Variants in CA2 observed in about 807,000 individuals in gnomAD.
CA2 encodes carbonic anhydrase 2.
CA2 carries 23 observed loss-of-function variants against 27.8 expected under a neutral mutation model. The observed-to-expected ratio is 0.83, with a 90% confidence interval of 0.59 to 1.17. The LOEUF (loss-of-function observed/expected upper bound fraction) is 1.17, where lower values mean the gene tolerates loss of function less well. Among genes scored for constraint, CA2 ranks in the 50% most tolerant of loss-of-function variants. The pLI, the probability that CA2 is intolerant of heterozygous loss-of-function variation, is 0.00. For missense variants in CA2, 300 were observed against 314.7 expected (o/e 0.95, Z 0.35); for synonymous variants, 99 against 114.9 (o/e 0.86, Z 0.88).
rs746755362 is a variant in CA2, at chr8:85,464,061, G to A, written c.-21G>A. 9.7e-6 allele frequency: 15 copies of A among 1,545,506 alleles called. No individual in the cohort carries two copies. Among genetic ancestry groups the A allele is most frequent in the Non-Finnish European group, 1.3e-5 (15 of 1,148,408 alleles). ...CCAGATCGGTGCCGATTCCTGCCCT[G>A]CCCCGACCGCCAGCGCGACCATGTC... On this transcript the variant is annotated 5_prime_UTR_variant, in exon 1 of 7. Transcript: ENST00000285379.
chr8:85,477,390 C>A, intron 6 of CA2, 115 bp downstream of exon 6: 1 of 1,193,608 alleles, frequency 8.4e-7, no homozygotes, highest in Non-Finnish European at 1.2e-6. Flanking sequence ...CTACTTCTTG[C>A]TATGGAAATA....
Position 85,464,028 on chromosome 8 carries a change from C to G in CA2, c.-54C>G, listed in dbSNP as rs1811573765. The G allele has an allele frequency of 1.4e-5, 21 of 1,523,624 alleles. No homozygotes were observed. In the South Asian group the frequency reaches 2.2e-4, roughly 16 times the overall value. The allele number at this position is 1,523,624 out of a possible 1,614,324, so 94.4% of individuals were successfully genotyped here. On this transcript the variant is annotated 5_prime_UTR_variant, in exon 1 of 7. Transcript: ENST00000285379. ...GGACACACAGTGCAGGCGCCCAAGC[C>G]GCCGCCGCCAGATCGGTGCCGATTC... is the stretch of plus-strand genomic sequence containing the variant.
Position 85,465,044 on chromosome 8 carries a change from G to A in CA2, c.35-228G>A, listed in dbSNP as rs1051366821. On this transcript the variant is annotated intron_variant, in intron 1 of 6. Transcript: ENST00000285379. ...GTGATCTAAGAGCTTTACATATATC[G>A]ATTCTAATTCTTACAGCGACATCTA... 5.6e-6 allele frequency: 3 copies of A among 538,494 alleles called. No homozygotes were observed. The African/African-American group carries it at 5.7e-5, about 10-fold the overall frequency. The allele number at this position is 538,494 out of a possible 1,614,324, so 33.4% of individuals were successfully genotyped here.
chr8:85,473,663 G>A (rs750436786), intron 2 of CA2, 30 bp from the exon 3 acceptor site: 5 of 1,041,910 alleles, frequency 4.8e-6, no homozygotes, highest in Non-Finnish European at 7.5e-6. Flanking sequence ...ATACATATAT[G>A]TTACATATAT....
chr8:85,471,200 A>T (rs569525824), intron 2 of CA2, among the ~76,000 whole-genome samples: 4 of 152,260 alleles, frequency 2.6e-5, no homozygotes, highest in Admixed American at 6.5e-5. Flanking sequence ...CTCCATGCTA[A>T]GAGTTTGCCA....
At chr8:85,470,464 G>A (rs1450658183) in intron 2 of CA2, among the ~76,000 whole-genome samples, 1 of 151,744 alleles carries the variant, frequency 6.6e-6, no homozygotes, top group African/African-American at 2.4e-5. Context: ...TTATATTTTG[G>A]ACTTAGGAGA....
At chr8:85,478,575 C>T (rs950417159) in intron 6 of CA2, among the ~76,000 whole-genome samples, 1 of 152,116 alleles carries the variant, frequency 6.6e-6, no homozygotes, top group Non-Finnish European at 1.5e-5. Context: ...TGTATACACA[C>T]CCACAGGCAG....
At chr8:85,479,217 AG>A (rs1811851743) in intron 6 of CA2, among the ~76,000 whole-genome samples, 2 of 152,216 alleles carry the variant, frequency 1.3e-5, no homozygotes. Context: ...CAATGAGTCA[AG>A]TTGACTAATG....
intron 1 of CA2, 43 bp downstream of exon 1, chr8:85,464,158 G>A (rs1236306847): frequency 6.8e-7 from 1 of 1,466,828 alleles, no homozygotes; most frequent in South Asian, 1.2e-5. Context: ...CCCGATCCCC[G>A]ATCCCCGATC....
chr8:85,464,324 C>G, intron 1 of CA2: 1 of 473,710 alleles, frequency 2.1e-6, no homozygotes, highest in Non-Finnish European at 3.7e-6. Flanking sequence ...GCCCCAGCTG[C>G]GAGGCCACTG....
Position 85,477,190 on chromosome 8 carries a change from A to C in CA2, c.578A>C (p.Tyr193Ser). 1.9e-6 allele frequency: 3 copies of C among 1,613,972 alleles called. No individual in the cohort carries two copies. Among genetic ancestry groups the C allele is most frequent in the Non-Finnish European group, 2.5e-6 (3 of 1,179,954 alleles). The change falls in exon 6 of 7, where the codon TAC becomes TCC. Residue 193 changes from tyrosine (Y) to serine (S), a missense_variant. By Grantham distance (144) the Tyr-to-Ser change is moderately radical. Transcript: ENST00000285379. ...LLPESLDYWT[Y>S]PGSLTTPPLL... ...CCTGAATCCTTGGATTACTGGACCT[A>C]CCCAGGCTCACTGACCACCCCTCCT...
Position 85,473,727 on chromosome 8 carries a change from A to T in CA2, c.267A>T (p.Arg89Ser). The change falls in exon 3 of 7, where the codon AGA (arginine) becomes AGT (serine). Residue 89 changes from arginine (R) to serine (S), a missense_variant. This residue lies in a region of CA2 where 122 missense variants were observed against 133.2 expected (regional missense o/e 0.92). Coordinates refer to ENST00000285379, the MANE Select transcript of CA2 (RefSeq NM_000067.3). ...GAGGACCCCTGGATGGCACTTACAG[A>T]TTGATTCAGTTTCACTTTCACTGGG... ...LKGGPLDGTYRLIQFHFHWGS... is the reference protein window; with the variant it reads ...LKGGPLDGTYSLIQFHFHWGS... 6.2e-7 allele frequency: 1 copy of T among 1,611,568 alleles called. No homozygotes were observed.
rs199853937 is a variant in CA2, at chr8:85,480,797, C to T, written c.*8C>T. The T allele has an allele frequency of 3.8e-5, 62 of 1,613,450 alleles. No individual in the cohort carries two copies. The highest frequency in any genetic ancestry group is 1.3e-5 in the African/African-American group (1 of 74,970). On this transcript the variant is annotated 3_prime_UTR_variant, in exon 7 of 7. Coordinates refer to ENST00000285379, the MANE Select transcript of CA2 (RefSeq NM_000067.3). ...AAAGCTTCCTTCAAATAAGATGGTCCCATAGTCTGTATCCAAATAATGAAT... is the reference window on the plus strand; with the variant it reads ...AAAGCTTCCTTCAAATAAGATGGTCTCATAGTCTGTATCCAAATAATGAAT...
At chr8:85,475,740 A>G (rs1188098639) in intron 4 of CA2, 58 bp from the exon 5 acceptor site, 3 of 1,498,908 alleles carry the variant, frequency 2.0e-6, no homozygotes, top group African/African-American at 1.4e-5. Context: ...AAATAAAAAT[A>G]AAAACTGGTA....
In CA2 at chr8:85,473,748, C is replaced by T. The variant is rs1430306295; in HGVS notation, c.288C>T (p.His96=). ...ACAGATTGATTCAGTTTCACTTTCACTGGGGTTCACTTGATGGACAAGGTT... is the reference window on the plus strand; with the variant it reads ...ACAGATTGATTCAGTTTCACTTTCATTGGGGTTCACTTGATGGACAAGGTT... The part of the protein sequence containing the change: ...GTYRLIQFHF[H]WGSLDGQGSE... The change falls in exon 3 of 7, where the codon CAC becomes CAT. Residue 96 remains histidine (H), a synonymous_variant. Transcript: ENST00000285379. 1.2e-6 allele frequency: 2 copies of T among 1,612,998 alleles called. No individual in the cohort carries two copies. Among genetic ancestry groups the T allele is most frequent in the East Asian group, 2.2e-5 (1 of 44,832 alleles).
In CA2 at chr8:85,475,657, A is replaced by G. The variant is rs574620060; in HGVS notation, c.445-141A>G. On this transcript the variant is annotated intron_variant, in intron 4 of 6. Coordinates refer to ENST00000285379, the MANE Select transcript of CA2 (RefSeq NM_000067.3). ...TCTATGGTGTCAGTGTCATCAAGCC[A>G]GTACTGATGGGGGTCATGTATGAAG... is the stretch of plus-strand genomic sequence containing the variant. 17 of 746,470 alleles carry G rather than the reference A, an allele frequency of 2.3e-5. No homozygotes were observed. The Middle Eastern group carries it at 7.7e-4, about 34-fold the overall frequency. The allele number at this position is 746,470 out of a possible 1,614,324, so 46.2% of individuals were successfully genotyped here.
rs367718602 is a variant in CA2 at position 85,475,908 on chromosome 8, C to A, written c.507+48C>A. The A allele has an allele frequency of 5.7e-5, 83 of 1,463,354 alleles. 2 individuals carry two copies. In the Middle Eastern group the frequency reaches 6.0e-3, roughly 106 times the overall value. 90.6% of individuals were successfully genotyped at this position (1,463,354 alleles called of 1,614,324 possible). On this transcript the variant is annotated intron_variant, in intron 5 of 6. Coordinates refer to ENST00000285379, the MANE Select transcript of CA2 (RefSeq NM_000067.3). ...CTCCTTAGGGTACCAATTTTCAATA[C>A]TCCATTGGTTTTAGAAATTTCTTTT...
At chr8:85,475,768 T>A (rs1045472264) in intron 4 of CA2, 30 bp from the exon 5 acceptor site, 11 of 1,604,510 alleles carry the variant, frequency 6.9e-6, no homozygotes, top group Non-Finnish European at 9.4e-6. Flanking sequence ...AACTGGGTGA[T>A]AGTATCTTGC....
chr8:85,466,047 G>A (rs1811624327), intron 2 of CA2, among the ~76,000 whole-genome samples: 1 of 149,812 alleles, frequency 6.7e-6, no homozygotes, highest in Non-Finnish European at 1.5e-5. Flanking sequence ...TTTTAGAGTT[G>A]GTGAACATAC....
Sources: gnomAD v4.1 joint callset for allele counts (sites outside exome capture counted in the v4.1 genomes callset) on GRCh38, gnomAD v4.1.1 for gene constraint, gnomAD v4.1.1 regional missense constraint, MANE v1.5 for transcripts, NCBI Gene and HGNC (gene_info 2026-07-23, HGNC 2026-07-21) for gene names.